The following SNTB1 variants were observed in gnomAD, a reference collection of about 807,000 sequenced individuals.
The protein encoded by SNTB1 is beta-1-syntrophin.
Under a neutral mutation model 48.9 loss-of-function variants are expected in SNTB1, and 36 were observed. The ratio of observed to expected loss-of-function variants is 0.74; its 90% CI spans 0.56 to 0.97. The LOEUF is 0.97. SNTB1 is among the 50% of genes least tolerant of loss of function. SNTB1 has a pLI of 0.00. For synonymous variants in SNTB1, 299 were observed against 294.6 expected (o/e 1.01, Z -0.15); for missense variants, 786 against 703.4 (o/e 1.12, Z -1.33).
intron 3 of SNTB1, among the ~76,000 whole-genome samples, chr8:120,605,418 T>C (rs1201638525): frequency 1.3e-5 from 2 of 152,224 alleles, no homozygotes; most frequent in African/African-American, 2.4e-5. Flanking sequence ...TTTCCAGTGA[T>C]ATTACCACGT....
At chr8:120,561,295 G>C (rs898266325) in intron 4 of SNTB1, among the ~76,000 whole-genome samples, 4 of 136,926 alleles carry the variant, frequency 2.9e-5, no homozygotes, top group Non-Finnish European at 6.1e-5. Flanking sequence ...ACTCCAGCCT[G>C]GGTGACAGAG....
At chr8:120,667,929 C>A (rs889398634) in intron 2 of SNTB1, among the ~76,000 whole-genome samples, 3 of 152,178 alleles carry the variant, frequency 2.0e-5, no homozygotes, top group African/African-American at 4.8e-5. Context: ...GTCCCACTGG[C>A]AGGACAGGCA....
chr8:120,657,226 C>T (rs1817516534), intron 2 of SNTB1, among the ~76,000 whole-genome samples: 1 of 152,170 alleles, frequency 6.6e-6, no homozygotes. Context: ...CTTGATGCCT[C>T]TTGTCCTCTT....
intron 3 of SNTB1, among the ~76,000 whole-genome samples, chr8:120,606,392 AGTGCGTGTGT>A (rs1183951790): frequency 2.4e-5 from 3 of 125,772 alleles, no homozygotes; most frequent in Non-Finnish European, 5.0e-5. Context: ...ATACTATGTC[AGTGCGTGTGT>A]GTATATATGT....
At position 120,541,849 on chromosome 8, in the gene SNTB1, C is replaced by T; in HGVS notation, c.1485G>A (p.Arg495=). The change falls in exon 6 of 7, where the codon AGG becomes AGA. Residue 495 remains arginine (R), a synonymous_variant. Transcript: ENST00000517992. ...KLKMSSDDGI[R]MLYLDFGGKD... is the part of the protein sequence containing the mutation. Reference sequence around the variant, plus strand: ...TGCCTCCAAAATCTAAATACAGCATCCTGATTCCATCATCTGAAGACATTT... The same window carrying T: ...TGCCTCCAAAATCTAAATACAGCATTCTGATTCCATCATCTGAAGACATTT... The T allele has an allele frequency of 6.2e-7, 1 of 1,613,858 alleles. No homozygotes were observed. The highest frequency in any genetic ancestry group is 8.5e-7 in the Non-Finnish European group (1 of 1,179,888).
chr8:120,546,625 G>A (rs926036840), intron 5 of SNTB1, among the ~76,000 whole-genome samples: 1 of 151,878 alleles, frequency 6.6e-6, no homozygotes, highest in Non-Finnish European at 1.5e-5. Flanking sequence ...ACATGCCACG[G>A]CACCTGGCTA....
At chr8:120,597,106 G>A (rs566694184) in intron 3 of SNTB1, among the ~76,000 whole-genome samples, 17 of 152,280 alleles carry the variant, frequency 1.1e-4, no homozygotes, top group South Asian at 2.1e-4. Context: ...TCACAAGAGG[G>A]ACATTTCAGA....
At chr8:120,549,248 T>C (rs970818222) in intron 4 of SNTB1, among the ~76,000 whole-genome samples, 1 of 152,202 alleles carries the variant, frequency 6.6e-6, no homozygotes, top group Non-Finnish European at 1.5e-5. Context: ...AGAATTTAAA[T>C]ACTGTGTAAA....
At chr8:120,723,632 G>C (rs953311680) in intron 1 of SNTB1, among the ~76,000 whole-genome samples, 6 of 152,148 alleles carry the variant, frequency 3.9e-5, no homozygotes, top group African/African-American at 1.4e-4. Context: ...TCACCAGTTA[G>C]GTGCACTGGT....
At chr8:120,692,985 A>C (rs904161661) in intron 2 of SNTB1, among the ~76,000 whole-genome samples, 6 of 152,186 alleles carry the variant, frequency 3.9e-5, no homozygotes, top group Non-Finnish European at 7.3e-5. Flanking sequence ...TACAGGAAGC[A>C]TGGCACTGGC....
At position 120,667,143 on chromosome 8, in the gene SNTB1, C is replaced by T. The variant is rs1289052706; in HGVS notation, c.788+26549G>A. 2.7e-5 allele frequency among the ~76,000 whole-genome samples: 4 copies of T among 149,422 alleles called. No individual in the cohort carries two copies. The East Asian group carries it at 7.9e-4, about 30-fold the overall frequency. ...ACAGGGTCTTGCTCTGTTACCCAGG[C>T]TTTGCTGCAGTGGGACCATCATAGT... is the stretch of plus-strand genomic sequence containing the variant. On this transcript the variant is annotated intron_variant, in intron 2 of 6. Transcript: ENST00000517992.
chr8:120,677,570 A>G (rs1461430342), intron 2 of SNTB1, among the ~76,000 whole-genome samples: 1 of 152,172 alleles, frequency 6.6e-6, no homozygotes, highest in Non-Finnish European at 1.5e-5. Context: ...ACACATCTTC[A>G]TGATACTGAA....
intron 3 of SNTB1, among the ~76,000 whole-genome samples, chr8:120,604,302 G>A (rs1480111517): frequency 6.6e-6 from 1 of 152,060 alleles, no homozygotes; most frequent in Non-Finnish European, 1.5e-5. Context: ...GCTCATGGTG[G>A]TGCTCTGAAT....
rs770873760 is a variant in SNTB1, at chr8:120,811,436, G to A, written c.408C>T (p.Pro136=). The A allele has an allele frequency of 6.2e-6, 10 of 1,613,852 alleles. No individual in the cohort carries two copies. Among genetic ancestry groups the A allele is most frequent in the Non-Finnish European group, 3.4e-6 (4 of 1,179,886 alleles). The change falls in exon 1 of 7, where the codon CCC becomes CCT. Residue 136 remains proline, a synonymous_variant. Coordinates refer to ENST00000517992, the MANE Select transcript of SNTB1 (RefSeq NM_021021.4). Reference sequence around the variant, plus strand: ...CCTTGAAGATCTTGCTGATGAGGATGGGCATCTTGTTCTCCTTGCCCCCCT... The same window carrying A: ...CCTTGAAGATCTTGCTGATGAGGATAGGCATCTTGTTCTCCTTGCCCCCCT... The part of the protein sequence containing the change: ...SIKGGKENKM[P]ILISKIFKGL...
chr8:120,560,741 C>G (rs750799444), intron 4 of SNTB1, among the ~76,000 whole-genome samples: 3 of 152,176 alleles, frequency 2.0e-5, no homozygotes, highest in Non-Finnish European at 1.5e-5. Flanking sequence ...CCTGCCACGA[C>G]CATCTGCCAG....
intron 1 of SNTB1, among the ~76,000 whole-genome samples, chr8:120,703,691 C>G (rs1818340218): frequency 1.3e-5 from 2 of 152,176 alleles, no homozygotes; most frequent in Non-Finnish European, 2.9e-5. Context: ...AAAGAGGTCA[C>G]AGGCTGTATA....
At chr8:120,642,515 A>T (rs7825018) in intron 2 of SNTB1, among the ~76,000 whole-genome samples, 6 of 152,058 alleles carry the variant, frequency 3.9e-5, no homozygotes, top group Admixed American at 6.5e-5. Flanking sequence ...TAAGGAGCTG[A>T]GCCTATTGAT....
chr8:120,616,665 T>C (rs978981360), intron 3 of SNTB1, among the ~76,000 whole-genome samples: 17 of 152,022 alleles, frequency 1.1e-4, no homozygotes, highest in African/African-American at 3.6e-4. Context: ...CAAACAAATA[T>C]AATATTATGT....
At chr8:120,755,885 G>A (rs917014918) in intron 1 of SNTB1, among the ~76,000 whole-genome samples, 6 of 152,124 alleles carry the variant, frequency 3.9e-5, no homozygotes, top group African/African-American at 1.4e-4. Context: ...CCAGATAAAG[G>A]ATAAGAAGTC....
Sources: gnomAD v4.1 joint callset for allele counts (sites outside exome capture counted in the v4.1 genomes callset) on GRCh38, gnomAD v4.1.1 for gene constraint, MANE v1.5 for transcripts, NCBI Gene and HGNC (gene_info 2026-07-23, HGNC 2026-07-21) for gene names.